Variants in CMIP observed in about 807,000 individuals in gnomAD.
CMIP encodes the protein C-Maf-inducing protein.
CMIP carries 13 observed loss-of-function variants against 97.3 expected under a neutral mutation model. That is an observed-to-expected ratio of 0.13 (90% CI 0.09 to 0.21). CMIP has a LOEUF of 0.21. CMIP is among the 10% of genes least tolerant of loss of function. The probability of loss-of-function intolerance (pLI) is 1.00; values close to 1 mark genes in which losing one functional copy is unlikely to be tolerated. For synonymous variants in CMIP, 538 were observed against 436.3 expected, an observed-to-expected ratio of 1.23 and a Z score of -2.91; for missense variants, 847 against 1,024.9, an observed-to-expected ratio of 0.83 and a Z score of 2.37.
chr16:81,460,035 G>T (rs1441788756), intron 1 of CMIP, among the ~76,000 whole-genome samples: 2 of 152,194 alleles, frequency 1.3e-5, no homozygotes, highest in Non-Finnish European at 1.5e-5. Flanking sequence ...TTGTGTGAGG[G>T]CTAGGGGCAC....
chr16:81,471,151 A>G (rs1290978974), intron 1 of CMIP, among the ~76,000 whole-genome samples: 1 of 152,276 alleles, frequency 6.6e-6, no homozygotes, highest in Non-Finnish European at 1.5e-5. Flanking sequence ...ATACATATGT[A>G]CATATACACG....
At chr16:81,556,809 C>T (rs2090773421) in intron 1 of CMIP, among the ~76,000 whole-genome samples, 1 of 152,228 alleles carries the variant, frequency 6.6e-6, no homozygotes, top group Non-Finnish European at 1.5e-5. Flanking sequence ...GCAGGTGTCA[C>T]ATAGGAGACA....
intron 1 of CMIP, among the ~76,000 whole-genome samples, chr16:81,493,381 C>T (rs554909907): frequency 2.9e-5 from 4 of 136,090 alleles, no homozygotes; most frequent in Admixed American, 7.6e-5. Flanking sequence ...CGTTACCTGT[C>T]GTTACCTGTT....
At chr16:81,590,839 C>G (rs909119664) in intron 1 of CMIP, among the ~76,000 whole-genome samples, 1 of 151,776 alleles carries the variant, frequency 6.6e-6, no homozygotes, top group African/African-American at 2.4e-5. Context: ...ATCCATCCAT[C>G]CATCCATCCA....
rs1444383237 is a variant in CMIP at position 81,607,585 on chromosome 16, A to G, written c.319A>G (p.Asn107Asp). Residue 107 changes from asparagine to aspartate, a missense_variant, in exon 2 of 21, where the codon AAC becomes GAC. Around this residue, in one of 4 missense-constraint regions of CMIP, gnomAD observed 285 missense variants for 392.2 expected, o/e 0.73. Transcript: ENST00000537098. ...GCTGCAGCCAACTGGGTACATGGAA[A>G]ACTCAGTCTCCTACAGCGCAATTGA... Reference protein sequence around the residue: ...ASATPTGYMENSVSYSAIEDV... With the variant: ...ASATPTGYMEDSVSYSAIEDV... The G allele has an allele frequency of 6.2e-7, 1 of 1,613,798 alleles. No homozygotes were observed. The highest frequency in any genetic ancestry group is 8.5e-7 in the Non-Finnish European group (1 of 1,179,876).
At chr16:81,609,641 C>G in intron 2 of CMIP, among the ~76,000 whole-genome samples, 1 of 152,334 alleles carries the variant, frequency 6.6e-6, no homozygotes, top group East Asian at 1.9e-4. Flanking sequence ...CTTATTTGGC[C>G]TGGGGGGCCA....
At chr16:81,493,973 C>T (rs145195809) in intron 1 of CMIP, among the ~76,000 whole-genome samples, 16 of 152,294 alleles carry the variant, frequency 1.1e-4, no homozygotes, top group East Asian at 9.7e-4. Context: ...TATTTATTAG[C>T]CGTTTTTTTA....
rs72831108 is a variant in CMIP, at chr16:81,668,816, C to G, written c.826-1326C>G. On this transcript the variant is annotated intron_variant, in intron 7 of 20. Transcript: ENST00000537098. ...CAAACACACATCCATTCACACCCACCTCACACTCACTGCCTTCCACACCCA... is the reference window on the plus strand; with the variant it reads ...CAAACACACATCCATTCACACCCACGTCACACTCACTGCCTTCCACACCCA... Among the ~76,000 whole-genome samples the G allele has an allele frequency of 5.7e-3, 862 of 151,500 alleles. 2 individuals carry two copies. The highest frequency in any genetic ancestry group is 0.01 in the Non-Finnish European group (679 of 67,894).
intron 1 of CMIP, among the ~76,000 whole-genome samples, chr16:81,498,331 C>G (rs2150774211): frequency 6.6e-6 from 1 of 152,344 alleles, no homozygotes; most frequent in South Asian, 2.1e-4. Flanking sequence ...CCTTCCTTTC[C>G]AGCTTCCTGA....
At chr16:81,488,705 C>A (rs558869762) in intron 1 of CMIP, among the ~76,000 whole-genome samples, 1 of 152,292 alleles carries the variant, frequency 6.6e-6, no homozygotes, top group East Asian at 1.9e-4. Flanking sequence ...CTGTGACTTT[C>A]AGGAGAGCCT....
At chr16:81,589,466 CAT>C (rs1402720944) in intron 1 of CMIP, among the ~76,000 whole-genome samples, 2 of 151,296 alleles carry the variant, frequency 1.3e-5, no homozygotes, top group African/African-American at 4.9e-5. Flanking sequence ...ACAGTAGAAA[CAT>C]ATATGCAGAC....
At chr16:81,582,915 C>T (rs903035110) in intron 1 of CMIP, among the ~76,000 whole-genome samples, 3 of 152,164 alleles carry the variant, frequency 2.0e-5, no homozygotes, top group African/African-American at 7.2e-5. Flanking sequence ...CGGGGGCCAG[C>T]AGCTCTCCAC....
chr16:81,461,559 C>T (rs77209779), intron 1 of CMIP, among the ~76,000 whole-genome samples: 5,027 of 152,276 alleles, frequency 0.033, 255 homozygotes, highest in African/African-American at 0.11. Context: ...TTGATGTAGC[C>T]CAGCTTCTTT....
In CMIP at chr16:81,670,160, C is replaced by G; in HGVS notation, c.844C>G (p.Arg282Gly). The change falls in exon 8 of 21, where the codon CGA (arginine) becomes GGA (glycine). Residue 282 changes from arginine to glycine, a missense_variant. By Grantham distance (125) the Arg-to-Gly change is moderately radical. Transcript: ENST00000537098. ...KHNMDFGKCP[R>G]LRLFTQEYIL... is the part of the protein sequence containing the mutation. ...TCCACAGGACTTTGGGAAGTGCCCG[C>G]GACTGAGGCTGTTTACTCAGGAGTA... The G allele has an allele frequency of 6.2e-7, 1 of 1,609,432 alleles. No homozygotes were observed. Among genetic ancestry groups the G allele is most frequent in the Non-Finnish European group, 8.5e-7 (1 of 1,178,128 alleles).
chr16:81,492,138 G>A (rs1165208893), intron 1 of CMIP, among the ~76,000 whole-genome samples: 3 of 152,142 alleles, frequency 2.0e-5, no homozygotes, highest in Non-Finnish European at 2.9e-5. Context: ...GAGATTAGTC[G>A]GCCACAGGGG....
Position 81,639,687 on chromosome 16 carries a change from C to CG in CMIP, c.478-12515dup, listed in dbSNP as rs1338433630. Among the ~76,000 whole-genome samples the CG allele has an allele frequency of 4.6e-5, 7 of 152,286 alleles. No homozygotes were observed. The South Asian group carries it at 1.5e-3, about 32-fold the overall frequency. ...GGTTGCTTCTGCCTTTTGGCTGTTACGAATGACGCTGCTGTGAACATGGGT... is the reference window on the plus strand; with the variant it reads ...GGTTGCTTCTGCCTTTTGGCTGTTACGGAATGACGCTGCTGTGAACATGGGT... On this transcript the variant is annotated intron_variant, in intron 3 of 20. Transcript: ENST00000537098.
chr16:81,691,629 C>T, intron 10 of CMIP, 146 bp from the exon 11 acceptor site: 1 of 683,196 alleles, frequency 1.5e-6, no homozygotes, highest in East Asian at 2.7e-5. Context: ...CTTGCTCATC[C>T]TGGAGGTGGA....
intron 1 of CMIP, among the ~76,000 whole-genome samples, chr16:81,531,014 T>A (rs1037581578): frequency 1.3e-5 from 2 of 152,236 alleles, no homozygotes; most frequent in Non-Finnish European, 2.9e-5. Flanking sequence ...TGGGTTGAAC[T>A]GTAGCCTTCA....
chr16:81,472,019 C>T lies in CMIP; in HGVS notation c.300+26478C>T, dbSNP rs573002110. Among the ~76,000 whole-genome samples, 4 of 152,340 alleles carry T rather than the reference C, an allele frequency of 2.6e-5. No individual in the cohort carries two copies. The East Asian group carries it at 5.8e-4, about 22-fold the overall frequency. On this transcript the variant is annotated intron_variant, in intron 1 of 20. Coordinates refer to ENST00000537098, the MANE Select transcript of CMIP (RefSeq NM_198390.3). Reference sequence around the variant, plus strand: ...AGCTCAGGGGGCACTGCTGCAGGTGCACACACAGATTCACGGACATGTACA... The same window carrying T: ...AGCTCAGGGGGCACTGCTGCAGGTGTACACACAGATTCACGGACATGTACA...
Sources: allele counts gnomAD v4.1 joint callset (sites outside exome capture counted in the v4.1 genomes callset), GRCh38; gene constraint gnomAD v4.1.1; regional missense constraint gnomAD v4.1.1; transcripts MANE v1.5; gene names NCBI Gene and HGNC (gene_info 2026-07-23, HGNC 2026-07-21).